The following SCHIP1 variants were observed in gnomAD, a reference collection of about 807,000 sequenced individuals.
SCHIP1 encodes schwannomin-interacting protein 1.
Under a neutral mutation model 29.7 loss-of-function variants are expected in SCHIP1, and 8 were observed. That is an observed-to-expected ratio of 0.27 (90% CI 0.16 to 0.49). The LOEUF is 0.49. SCHIP1 is among the 20% of genes least tolerant of loss of function. SCHIP1 has a pLI of 0.99. For synonymous variants in SCHIP1, 76 were observed against 94.9 expected, an observed-to-expected ratio of 0.80 and a Z score of 1.16; for missense variants, 193 against 294.6, an observed-to-expected ratio of 0.66 and a Z score of 2.52.
chr3:159,430,645 C>A, the SCHIP1 span, among the ~76,000 whole-genome samples: 2 of 152,096 alleles, frequency 1.3e-5, no homozygotes, highest in South Asian at 4.1e-4. Flanking sequence ...TTTTTTTCTA[C>A]CCATCTAGAC....
the SCHIP1 span, among the ~76,000 whole-genome samples, chr3:159,377,012 C>A: frequency 3.3e-5 from 5 of 152,172 alleles, no homozygotes; most frequent in African/African-American, 1.2e-4. Flanking sequence ...ATTGTAATAC[C>A]GAAGTTGAAT....
chr3:159,488,998 C>A, the SCHIP1 span, among the ~76,000 whole-genome samples: 1 of 152,090 alleles, frequency 6.6e-6, no homozygotes. Context: ...TGCTTATTGT[C>A]CAAATTCATA....
At chr3:159,730,027 C>T in the SCHIP1 span, among the ~76,000 whole-genome samples, 220 of 152,188 alleles carry the variant, frequency 1.4e-3, no homozygotes, top group Middle Eastern at 6.8e-3. Context: ...CTATATCTAT[C>T]CATATGAAAT....
chr3:159,357,299 A>G, the SCHIP1 span, among the ~76,000 whole-genome samples: 1 of 152,240 alleles, frequency 6.6e-6, no homozygotes, highest in African/African-American at 2.4e-5. Flanking sequence ...GCAAATATGG[A>G]GACACAGAAG....
the SCHIP1 span, among the ~76,000 whole-genome samples, chr3:159,427,283 T>C: frequency 6.6e-6 from 1 of 151,574 alleles, no homozygotes; most frequent in Non-Finnish European, 1.5e-5. Flanking sequence ...GACGACATGA[T>C]TGTATATATA....
At chr3:159,456,502 T>A in the SCHIP1 span, among the ~76,000 whole-genome samples, 1 of 152,208 alleles carries the variant, frequency 6.6e-6, no homozygotes, top group East Asian at 1.9e-4. Flanking sequence ...AATCTGTACC[T>A]CACTTTCTCT....
the SCHIP1 span, among the ~76,000 whole-genome samples, chr3:159,697,606 A>T: frequency 6.6e-6 from 1 of 152,228 alleles, no homozygotes; most frequent in Non-Finnish European, 1.5e-5. Flanking sequence ...AACTCTGTGA[A>T]ATGCAATCAC....
the SCHIP1 span, among the ~76,000 whole-genome samples, chr3:159,673,817 C>T: frequency 6.6e-6 from 1 of 152,208 alleles, no homozygotes; most frequent in Non-Finnish European, 1.5e-5. Flanking sequence ...TGTGCAGCCT[C>T]ATTTAACATT....
At chr3:159,421,562 G>T in the SCHIP1 span, among the ~76,000 whole-genome samples, 114 of 152,326 alleles carry the variant, frequency 7.5e-4, no homozygotes, top group East Asian at 0.019. Context: ...CATGTGTGTA[G>T]CAATGTTTCA....
At chr3:159,381,354 A>C in the SCHIP1 span, among the ~76,000 whole-genome samples, 3 of 152,202 alleles carry the variant, frequency 2.0e-5, no homozygotes, top group Admixed American at 2.0e-4. Context: ...CTCTTTTAAA[A>C]ACTCTGAATT....
the SCHIP1 span, among the ~76,000 whole-genome samples, chr3:159,294,457 A>G: frequency 1.3e-5 from 2 of 152,176 alleles, no homozygotes; most frequent in Non-Finnish European, 2.9e-5. Context: ...TAACTTAAGA[A>G]TATGAGTATT....
At chr3:159,654,925 G>A in the SCHIP1 span, among the ~76,000 whole-genome samples, 1 of 151,948 alleles carries the variant, frequency 6.6e-6, no homozygotes, top group Non-Finnish European at 1.5e-5. Flanking sequence ...AGAAGTGATA[G>A]GACTGGCTAC....
the SCHIP1 span, chr3:159,273,818 A>C: frequency 6.2e-7 from 1 of 1,613,356 alleles, no homozygotes; most frequent in Non-Finnish European, 8.5e-7. Context: ...ACTCTTCAGC[A>C]CCATGGAGAG....
intron 3 of SCHIP1, 48 bp downstream of exon 4, chr3:159,886,372 C>A: frequency 3.3e-6 from 5 of 1,538,442 alleles, no homozygotes; most frequent in Non-Finnish European, 3.6e-6. Flanking sequence ...GATTTCCGGG[C>A]CATTTAGCTT....
At chr3:159,790,159 C>A in the SCHIP1 span, among the ~76,000 whole-genome samples, 2 of 152,188 alleles carry the variant, frequency 1.3e-5, no homozygotes, top group African/African-American at 2.4e-5. Context: ...TGAAAGAGTG[C>A]TCCTCTCTGC....
At chr3:159,801,039 G>A in the SCHIP1 span, among the ~76,000 whole-genome samples, 1 of 150,416 alleles carries the variant, frequency 6.6e-6, no homozygotes, top group Non-Finnish European at 1.5e-5. Context: ...TTCCAAGGCT[G>A]CCTTGTAAAA....
the SCHIP1 span, among the ~76,000 whole-genome samples, chr3:159,474,415 A>T: frequency 6.6e-6 from 1 of 152,134 alleles, no homozygotes; most frequent in South Asian, 2.1e-4. Context: ...TGGTGTGCCA[A>T]AACTTGCTAA....
At chr3:159,866,476 A>G (rs1015520606) in intron 2 of SCHIP1, among the ~76,000 whole-genome samples, 195 bp downstream of exon 3, 1 of 151,606 alleles carries the variant, frequency 6.6e-6, no homozygotes, top group Admixed American at 6.6e-5. Flanking sequence ...TGTTGTTATT[A>G]TTGGCTCATT....
At chr3:159,827,589 A>G in the SCHIP1 span, among the ~76,000 whole-genome samples, 1 of 152,150 alleles carries the variant, frequency 6.6e-6, no homozygotes. Flanking sequence ...GTGGATCATG[A>G]GGTCAGGAGA....
Sources: allele counts gnomAD v4.1 joint callset (sites outside exome capture counted in the v4.1 genomes callset), GRCh38; gene constraint gnomAD v4.1.1; transcripts MANE v1.5; gene names NCBI Gene and HGNC (gene_info 2026-07-23, HGNC 2026-07-21).